The following ABCB4 variants were observed in gnomAD, a reference collection of about 807,000 sequenced individuals.
ABCB4 encodes the protein ATP binding cassette subfamily B member 4.
Under a neutral mutation model 145.7 loss-of-function variants are expected in ABCB4, and 76 were observed. The ratio of observed to expected loss-of-function variants is 0.52; its 90% confidence interval spans 0.43 to 0.63. The LOEUF (loss-of-function observed/expected upper bound fraction) is 0.63, where lower values mean the gene tolerates loss of function less well. Among genes scored for constraint, ABCB4 ranks in the 30% least tolerant of loss-of-function variants. ABCB4 has a pLI of 0.00. For missense variants in ABCB4, 1,234 were observed against 1,553.1 expected, an observed-to-expected ratio of 0.79 and a Z score of 3.45; for synonymous variants, 517 against 566.8, an observed-to-expected ratio of 0.91 and a Z score of 1.25.
rs756927678 is a variant in ABCB4 at position 87,417,398 on chromosome 7, T to A, written c.2596A>T (p.Ile866Phe). Residue 866 changes from isoleucine (I) to phenylalanine (F), a missense_variant, in exon 21 of 28, where the codon ATT (isoleucine) becomes TTT (phenylalanine). This residue lies in a region of ABCB4 where 321 missense variants were observed against 332.6 expected (regional missense o/e 0.97). Coordinates refer to ENST00000649586, the MANE Select transcript of ABCB4 (RefSeq NM_000443.4). ...LTLLLLAVVP[I>F]IAVSGIVEMK... ...TCAACAATTCCTGACACAGCAATAA[T>A]TGGAACAACTGCTAATAGCAATAGG... is the stretch of plus-strand genomic sequence containing the variant. The A allele has an allele frequency of 6.2e-7, 1 of 1,614,160 alleles. No homozygotes were observed. The highest frequency in any genetic ancestry group is 8.5e-7 in the Non-Finnish European group (1 of 1,180,018).
the ABCB4 span, chr7:87,375,815 C>T: frequency 1.2e-6 from 2 of 1,613,088 alleles, no homozygotes; most frequent in Non-Finnish European, 1.7e-6. Flanking sequence ...ATCATCATCT[C>T]CTTGCCCTTT....
At chr7:87,367,079 T>G in the ABCB4 span, among the ~76,000 whole-genome samples, 1 of 152,240 alleles carries the variant, frequency 6.6e-6, no homozygotes, top group Non-Finnish European at 1.5e-5. Flanking sequence ...AGATGTCTAC[T>G]TTCTAATCCC....
At chr7:87,475,742 C>T (rs1409065122), upstream of ABCB4, 9 of 366,460 alleles carry the variant, frequency 2.5e-5, no homozygotes, top group South Asian at 2.9e-4. Context: ...CCCCGCCCCC[C>T]ACGCGCGTCC....
intron 3 of ABCB4, among the ~76,000 whole-genome samples, chr7:87,469,515 T>A (rs1475909763): frequency 5.3e-5 from 8 of 152,204 alleles, no homozygotes; most frequent in African/African-American, 1.9e-4. Context: ...ATAAGCAACT[T>A]CAGCAAAGTC....
rs538859547 is a variant in ABCB4, at chr7:87,468,506, A to C, written c.135+4115T>G. Among the ~76,000 whole-genome samples the C allele has an allele frequency of 2.9e-3, 448 of 152,324 alleles. 4 individuals carry two copies. The highest frequency in any genetic ancestry group is 0.01 in the African/African-American group (424 of 41,580). ...CTGAAACTATTCCAATCAATAGAAAAAGAGGGAATCCTCCCTAACTCATTT... is the reference window on the plus strand; with the variant it reads ...CTGAAACTATTCCAATCAATAGAAACAGAGGGAATCCTCCCTAACTCATTT... On this transcript the variant is annotated intron_variant, in intron 3 of 27. Coordinates refer to ENST00000649586, the MANE Select transcript of ABCB4 (RefSeq NM_000443.4).
At chr7:87,469,472 C>A (rs1813196422) in intron 3 of ABCB4, among the ~76,000 whole-genome samples, 1 of 152,096 alleles carries the variant, frequency 6.6e-6, no homozygotes, top group East Asian at 1.9e-4. Flanking sequence ...TCTAGAAAAC[C>A]CCATTGTCTC....
the ABCB4 span, chr7:87,392,764 A>G: frequency 1.9e-6 from 3 of 1,613,804 alleles, no homozygotes; most frequent in Non-Finnish European, 8.5e-7. Context: ...TCTTACTCAT[A>G]GCAAAAGAGG....
At chr7:87,443,923 A>G in intron 10 of ABCB4, 150 bp from the exon 11 acceptor site, 1 of 682,534 alleles carries the variant, frequency 1.5e-6, no homozygotes, top group East Asian at 2.7e-5. Flanking sequence ...TTGTGTGTAT[A>G]TGTATGTGTG....
intron 6 of ABCB4, chr7:87,452,378 C>CT (rs528084596): frequency 0.03 from 4,069 of 134,692 alleles, 65 homozygotes; most frequent in Non-Finnish European, 0.04. Context: ...TTGCTTTTCC[C>CT]TTTTTTTTTT....
At chr7:87,380,965 C>G in the ABCB4 span, among the ~76,000 whole-genome samples, 1 of 152,180 alleles carries the variant, frequency 6.6e-6, no homozygotes, top group African/African-American at 2.4e-5. Flanking sequence ...ATACTGACCT[C>G]CCTCAAGAGC....
At chr7:87,392,735 GA>G in the ABCB4 span, 3 of 1,613,244 alleles carry the variant, frequency 1.9e-6, no homozygotes, top group African/African-American at 2.7e-5. Context: ...TGCAGGATTT[GA>G]TCGTCACCTT....
Position 87,447,125 on chromosome 7 carries a change from A to C in ABCB4, c.914T>G (p.Phe305Cys), listed in dbSNP as rs1319792789. 1.2e-6 allele frequency: 2 copies of C among 1,613,900 alleles called. No homozygotes were observed. Among genetic ancestry groups the C allele is most frequent in the African/African-American group, 2.7e-5 (2 of 74,926 alleles). ...TGCATATGATGCATATATTAACAGG[A>C]AGGCAATACCCATGGAAATGTTTGC... ...ISANISMGIA[F>C]LLIYASYALA... The change falls in exon 9 of 28, where the codon TTC becomes TGC. Residue 305 changes from phenylalanine (F) to cysteine (C), a missense_variant. This residue lies in a region of ABCB4 where 467 missense variants were observed against 632.8 expected (regional missense o/e 0.74). Coordinates refer to ENST00000649586, the MANE Select transcript of ABCB4 (RefSeq NM_000443.4).
Position 87,423,940 on chromosome 7 carries a change from G to A in ABCB4, c.2177C>T (p.Pro726Leu), listed in dbSNP as rs141677867. Reference sequence around the variant, plus strand: ...CTCTGAGAATATGACTGAAAATGCCGGCTGAAGCCCCCCATTGGCAATGGC... The same window carrying A: ...CTCTGAGAATATGACTGAAAATGCCAGCTGAAGCCCCCCATTGGCAATGGC... ...VCAIANGGLQ[P>L]AFSVIFSEII... Residue 726 changes from proline (P) to leucine (L), a missense_variant, in exon 17 of 28, where the codon CCG becomes CTG. Pro to Leu is a moderately conservative substitution (Grantham distance 98, BLOSUM62 -3). Coordinates refer to ENST00000649586, the MANE Select transcript of ABCB4 (RefSeq NM_000443.4). 1.3e-5 allele frequency: 21 copies of A among 1,613,894 alleles called. No homozygotes were observed. Among genetic ancestry groups the A allele is most frequent in the East Asian group, 4.5e-5 (2 of 44,884 alleles).
Position 87,420,090 on chromosome 7 carries a change from A to T in ABCB4, c.2317-15T>A. The T allele has an allele frequency of 1.9e-6, 3 of 1,613,144 alleles. No individual in the cohort carries two copies. Among genetic ancestry groups the T allele is most frequent in the Non-Finnish European group, 2.5e-6 (3 of 1,179,130 alleles). On this transcript the variant is annotated splice_polypyrimidine_tract_variant and intron_variant, in intron 18 of 27. Transcript: ENST00000649586. ...AACGTGAAACCCTGGTTGAGAAAAA[A>T]GGCTATGGTCTCTTTTGATCTTTAT...
chr7:87,392,808 C>T, the ABCB4 span: 1 of 1,613,454 alleles, frequency 6.2e-7, no homozygotes, highest in Non-Finnish European at 8.5e-7. Context: ...TTTACGGACC[C>T]ACTTTTTTCC....
chr7:87,380,130 A>G, the ABCB4 span, among the ~76,000 whole-genome samples: 2 of 148,328 alleles, frequency 1.3e-5, no homozygotes, highest in South Asian at 2.2e-4. Flanking sequence ...AATAAGAAGA[A>G]AAATAAGCAT....
chr7:87,406,460 A>T lies in ABCB4; in HGVS notation c.3314T>A (p.Val1105Asp). The part of the protein sequence containing the change: ...LDGQEAKKLN[V>D]QWLRAQLGIV... ...TCCGAGTTGAGCTCTGAGCCACTGG[A>T]CATTGAGTTTCTTTGCTTCTTGACC... Residue 1105 changes from valine (V) to aspartate (D), a missense_variant, in exon 26 of 28, where the codon GTC becomes GAC. Physicochemically the swap from Val to Asp is radical, Grantham distance 152 (BLOSUM62 -3). Around this residue, in one of 7 missense-constraint regions of ABCB4, gnomAD observed 301 missense variants for 389.0 expected, o/e 0.77. Transcript: ENST00000649586. 1 of 1,614,090 alleles carries T rather than the reference A, an allele frequency of 6.2e-7. No individual in the cohort carries two copies. Among genetic ancestry groups the T allele is most frequent in the Non-Finnish European group, 8.5e-7 (1 of 1,180,022 alleles).
chr7:87,462,896 C>T lies in ABCB4; in HGVS notation c.148G>A (p.Asp50Asn), dbSNP rs534390925. 16 of 1,613,598 alleles carry T rather than the reference C, an allele frequency of 9.9e-6. No homozygotes were observed. Among genetic ancestry groups the T allele is most frequent in the Admixed American group, 5.0e-5 (3 of 59,974 alleles). Residue 50 changes from aspartate to asparagine, a missense_variant, in exon 4 of 28, where the codon GAT becomes AAT. Physicochemically the swap from Asp to Asn is conservative, Grantham distance 23. This residue lies in a region of ABCB4 where 77 missense variants were observed against 73.3 expected (regional missense o/e 1.05). Transcript: ENST00000649586. The stretch of plus-strand genomic sequence containing the variant: ...GACATAAACAATTTATCCTGCCAAT[C>T]GGAGTATCGAAACTAAAAAAAGGAA... ...IGVLTLFRYS[D>N]WQDKLFMSLG...
intron 8 of ABCB4, among the ~76,000 whole-genome samples, chr7:87,449,478 C>T (rs927169539): frequency 4.6e-5 from 7 of 151,062 alleles, no homozygotes; most frequent in African/African-American, 1.7e-4. Context: ...GATAGAGGCT[C>T]ACTCTATCAT....
Sources: gnomAD v4.1 joint callset for allele counts (sites outside exome capture counted in the v4.1 genomes callset) on GRCh38, gnomAD v4.1.1 for gene constraint, gnomAD v4.1.1 regional missense constraint, MANE v1.5 for transcripts, NCBI Gene and HGNC (gene_info 2026-07-23, HGNC 2026-07-21) for gene names.